The following NT5DC1 variants were observed in gnomAD, a reference collection of about 807,000 sequenced individuals.
NT5DC1 encodes the protein 5'-nucleotidase domain-containing protein 1.
NT5DC1 carries 42 observed loss-of-function variants against 59.4 expected under a neutral mutation model. That is an observed-to-expected ratio of 0.71 (90% CI 0.55 to 0.92). The LOEUF (loss-of-function observed/expected upper bound fraction) is 0.92. Ranked by LOEUF, NT5DC1 falls within the 40% of genes least tolerant of loss-of-function variation. The probability of loss-of-function intolerance (pLI) is 0.00; values close to 1 mark genes in which losing one functional copy is unlikely to be tolerated. For synonymous variants in NT5DC1, 172 were observed against 188.1 expected (o/e 0.91, Z 0.70); for missense variants, 501 against 537.1 (o/e 0.93, Z 0.66).
intron 1 of NT5DC1, among the ~76,000 whole-genome samples, chr6:116,104,594 C>T (rs536651431): frequency 2.0e-4 from 31 of 152,268 alleles, no homozygotes; most frequent in Non-Finnish European, 3.5e-4. Context: ...GATGGGCAAG[C>T]GCTACCTGTC....
chr6:116,223,127 A>G lies in NT5DC1; in HGVS notation c.798A>G (p.Thr266=), dbSNP rs752467975. 3.9e-6 allele frequency: 6 copies of G among 1,558,030 alleles called. No homozygotes were observed. The highest frequency in any genetic ancestry group is 5.3e-6 in the Non-Finnish European group (6 of 1,130,442). Residue 266 remains threonine, a synonymous_variant, in exon 8 of 12, where the codon ACA becomes ACG. Transcript: ENST00000319550. ...SHLPSQRPFR[T]LENDEEQEAL... ...TACCAAGTCAGAGACCTTTCCGGAC[A>G]CTCGGTAAGTTACATTTGGTTTCTT...
intron 6 of NT5DC1, among the ~76,000 whole-genome samples, chr6:116,126,547 C>G (rs1779318181): frequency 6.6e-6 from 1 of 152,106 alleles, no homozygotes; most frequent in Non-Finnish European, 1.5e-5. Flanking sequence ...AGACCATCAT[C>G]TAAATTATTG....
intron 4 of NT5DC1, among the ~76,000 whole-genome samples, chr6:116,112,770 C>A (rs1277571622): frequency 6.6e-6 from 1 of 152,174 alleles, no homozygotes; most frequent in Non-Finnish European, 1.5e-5. Flanking sequence ...GGATAAACTC[C>A]TAGAAGTATA....
At position 116,115,847 on chromosome 6, in the gene NT5DC1, T is replaced by C. The variant is rs1264994267; in HGVS notation, c.444+77T>C. ...GGAGGACCTAATTATATATTGCTTC[T>C]GAGTTGTGATTTTGCTTAGTTTCTT... On this transcript the variant is annotated intron_variant, in intron 5 of 11. Transcript: ENST00000319550. 7.2e-6 allele frequency: 5 copies of C among 699,102 alleles called. No homozygotes were observed. The Admixed American group carries it at 1.1e-4, about 15-fold the overall frequency. 43.3% of individuals were successfully genotyped at this position (699,102 alleles called of 1,614,324 possible).
At chr6:116,168,386 C>T (rs1290042680) in intron 6 of NT5DC1, among the ~76,000 whole-genome samples, 4 of 151,974 alleles carry the variant, frequency 2.6e-5, no homozygotes, top group Non-Finnish European at 5.9e-5. Flanking sequence ...TAAACCTATC[C>T]ATTGAGCTTT....
intron 6 of NT5DC1, among the ~76,000 whole-genome samples, chr6:116,171,770 CAA>C: frequency 6.6e-6 from 1 of 152,278 alleles, no homozygotes; most frequent in Middle Eastern, 3.4e-3. Flanking sequence ...CTGTGTTGAG[CAA>C]TTGGGGTACA....
rs55734318 is a variant in NT5DC1, at chr6:116,111,861, G to C, written c.364+905G>C. Reference sequence around the variant, plus strand: ...CTGGGGTTAGATATAGAATGCCTTTGTATACCTATCAAGTCAGATGGGAGG... The same window carrying C: ...CTGGGGTTAGATATAGAATGCCTTTCTATACCTATCAAGTCAGATGGGAGG... On this transcript the variant is annotated intron_variant, in intron 4 of 11. Transcript: ENST00000319550. Among the ~76,000 whole-genome samples the C allele has an allele frequency of 4.3e-3, 656 of 152,280 alleles. 6 individuals are homozygous for C. Among genetic ancestry groups the C allele is most frequent in the African/African-American group, 0.015 (637 of 41,552 alleles).
At chr6:116,137,795 A>C (rs1230688455) in intron 6 of NT5DC1, among the ~76,000 whole-genome samples, 1 of 152,214 alleles carries the variant, frequency 6.6e-6, no homozygotes, top group African/African-American at 2.4e-5. Flanking sequence ...GAAAATGCCC[A>C]GCTTGGCCGG....
rs73774222 is a variant in NT5DC1, at chr6:116,187,855, T to C, written c.530-33199T>C. On this transcript the variant is annotated intron_variant, in intron 6 of 11. Transcript: ENST00000319550. Reference sequence around the variant, plus strand: ...GTATTGATTGATTGTAAAGGAAAAGTGAATAAATTTGACAAACATTAAACG... The same window carrying C: ...GTATTGATTGATTGTAAAGGAAAAGCGAATAAATTTGACAAACATTAAACG... 5.7e-3 allele frequency among the ~76,000 whole-genome samples: 866 copies of C among 152,114 alleles called. 17 individuals are homozygous for C. The highest frequency in any genetic ancestry group is 0.046 in the South Asian group (222 of 4,822).
chr6:116,239,423 T>C (rs1782182433), intron 11 of NT5DC1, among the ~76,000 whole-genome samples: 2 of 152,218 alleles, frequency 1.3e-5, no homozygotes, highest in Admixed American at 1.3e-4. Flanking sequence ...AGGCTGCTTT[T>C]CCCCCTGGGT....
At chr6:116,135,578 AC>A (rs1286705934) in intron 6 of NT5DC1, among the ~76,000 whole-genome samples, 2 of 151,568 alleles carry the variant, frequency 1.3e-5, no homozygotes, top group Non-Finnish European at 2.9e-5. Flanking sequence ...GAACAATATA[AC>A]TTCTATTACC....
At chr6:116,122,006 A>G (rs984928515) in intron 6 of NT5DC1, 1 of 1,522,958 alleles carries the variant, frequency 6.6e-7, no homozygotes, top group Admixed American at 1.7e-5. Flanking sequence ...GGGGATGGTT[A>G]GTGACATTAA....
intron 6 of NT5DC1, among the ~76,000 whole-genome samples, chr6:116,202,328 T>C (rs553753328): frequency 6.6e-6 from 1 of 152,092 alleles, no homozygotes; most frequent in East Asian, 1.9e-4. Flanking sequence ...CAGAACAAAG[T>C]TCCTTCTCAA....
chr6:116,198,255 C>T (rs1781276899), intron 6 of NT5DC1, among the ~76,000 whole-genome samples: 2 of 152,024 alleles, frequency 1.3e-5, no homozygotes, highest in African/African-American at 4.8e-5. Flanking sequence ...TTCAAAGCCA[C>T]GTAACTATTC....
chr6:116,203,454 T>C (rs9481611), intron 6 of NT5DC1, among the ~76,000 whole-genome samples: 15,289 of 151,912 alleles, frequency 0.1, 1,277 homozygotes, highest in African/African-American at 0.23. Flanking sequence ...TTATTTTATA[T>C]ATGTAATTAT....
chr6:116,221,195 A>G lies in NT5DC1; in HGVS notation c.671A>G (p.Asp224Gly). Residue 224 changes from aspartate to glycine, a missense_variant, in exon 7 of 12, where the codon GAT (aspartate) becomes GGT (glycine). Transcript: ENST00000319550. The part of the protein sequence containing the change: ...ILLLITSSHS[D>G]YCRLLCEYIL... ...CTGTTAATTACCAGTTCTCACAGTGATTACTGTAGACTTCTCTGCGAATAT... is the reference window on the plus strand; with the variant it reads ...CTGTTAATTACCAGTTCTCACAGTGGTTACTGTAGACTTCTCTGCGAATAT... 15 of 1,601,776 alleles carry G rather than the reference A, an allele frequency of 9.4e-6. No homozygotes were observed. The highest frequency in any genetic ancestry group is 1.3e-5 in the Non-Finnish European group (15 of 1,169,386).
intron 11 of NT5DC1, among the ~76,000 whole-genome samples, chr6:116,241,922 C>CAAA (rs772261524): frequency 2.9e-4 from 3 of 10,514 alleles, no homozygotes; most frequent in Admixed American, 9.2e-4. Context: ...GACTCCGTCT[C>CAAA]AAAAAAAAAA....
intron 6 of NT5DC1, among the ~76,000 whole-genome samples, chr6:116,136,602 T>C (rs1017715021): frequency 6.6e-6 from 1 of 152,208 alleles, no homozygotes; most frequent in Non-Finnish European, 1.5e-5. Context: ...TATAAATTGC[T>C]GTTATTATTT....
intron 6 of NT5DC1, among the ~76,000 whole-genome samples, chr6:116,193,300 T>C (rs1781158550): frequency 6.6e-6 from 1 of 152,092 alleles, no homozygotes; most frequent in Non-Finnish European, 1.5e-5. Context: ...AGGAGTGCTG[T>C]GATAACAAAA....
Sources: allele counts gnomAD v4.1 joint callset (sites outside exome capture counted in the v4.1 genomes callset), GRCh38; gene constraint gnomAD v4.1.1; transcripts MANE v1.5; gene names NCBI Gene and HGNC (gene_info 2026-07-23, HGNC 2026-07-21).